The following AGO2 variants were observed in gnomAD, a reference collection of about 807,000 sequenced individuals.
The protein encoded by AGO2 is protein argonaute-2.
Under a neutral mutation model 102.3 loss-of-function variants are expected in AGO2, and 5 were observed. The ratio of observed to expected loss-of-function variants is 0.05; its 90% CI spans 0.03 to 0.10. AGO2 has a LOEUF of 0.10. Ranked by LOEUF, AGO2 falls within the 10% of genes least tolerant of loss-of-function variation. The pLI is 1.00. For missense variants in AGO2, 541 were observed against 1,183.7 expected (o/e 0.46, Z 7.97); for synonymous variants, 449 against 473.1 (o/e 0.95, Z 0.66).
Position 140,520,765 on chromosome 8 carries a change from G to A in AGO2, c.*11279C>T, listed in dbSNP as rs2072404626. The A allele has an allele frequency of 2.0e-5, 3 of 151,600 alleles. No homozygotes were observed. Among genetic ancestry groups the A allele is most frequent in the South Asian group, 4.2e-4 (2 of 4,806 alleles). 9.4% of individuals were successfully genotyped at this position (151,600 alleles called of 1,614,324 possible). ...GAAATAAGTTATCCAACCTCTTGAT[G>A]ACATGGAGAAATGAATTAAGAAAGC... On this transcript the variant is annotated 3_prime_UTR_variant, in exon 19 of 19. Coordinates refer to ENST00000220592, the MANE Select transcript of AGO2 (RefSeq NM_012154.5).
In AGO2 at chr8:140,540,424, C is replaced by T. The variant is rs2072776441; in HGVS notation, c.2034+740G>A. 6.6e-6 allele frequency among the ~76,000 whole-genome samples: 1 copy of T among 152,196 alleles called. No homozygotes were observed. The highest frequency in any genetic ancestry group is 1.5e-5 in the Non-Finnish European group (1 of 68,026). The stretch of plus-strand genomic sequence containing the variant: ...TTCTTGCTAACACCTCCCAAGGAAG[C>T]GACCGTGTGGCATGGCGAGGGGTGG... On this transcript the variant is annotated intron_variant, in intron 15 of 18. Coordinates refer to ENST00000220592, the MANE Select transcript of AGO2 (RefSeq NM_012154.5). This position sits in a 1 kb window ranked among gnomAD's most constrained non-coding sequence, Gnocchi z 5.0.
At chr8:140,627,729 T>C (rs1051677068) in intron 1 of AGO2, among the ~76,000 whole-genome samples, 1 of 152,108 alleles carries the variant, frequency 6.6e-6, no homozygotes, top group Non-Finnish European at 1.5e-5. Flanking sequence ...CCTTCAGAAG[T>C]CCCCTTCCGT....
chr8:140,597,480 C>CCCCCCCCCCCCCA (rs2073864620), intron 1 of AGO2, among the ~76,000 whole-genome samples: 5 of 132,122 alleles, frequency 3.8e-5, no homozygotes, highest in Admixed American at 7.9e-5. Context: ...CCCCACCCCC[C>CCCCCCCCCCCCCA]CCCCCCCGCC....
In AGO2 at chr8:140,531,835, T is replaced by C. The variant is rs2072600590; in HGVS notation, c.*209A>G. On this transcript the variant is annotated 3_prime_UTR_variant, in exon 19 of 19. Coordinates refer to ENST00000220592, the MANE Select transcript of AGO2 (RefSeq NM_012154.5). Reference sequence around the variant, plus strand: ...AGATTTTAGCAAACCATATTTCCTATGACATTGGGTTCTCATACAGGTCTG... The same window carrying C: ...AGATTTTAGCAAACCATATTTCCTACGACATTGGGTTCTCATACAGGTCTG... 1 of 512,678 alleles carries C rather than the reference T, an allele frequency of 2.0e-6. No individual in the cohort carries two copies. The highest frequency in any genetic ancestry group is 2.6e-5 in the South Asian group (1 of 39,056). 31.8% of individuals were successfully genotyped at this position (512,678 alleles called of 1,614,324 possible).
At chr8:140,624,041 G>T (rs576608411) in intron 1 of AGO2, among the ~76,000 whole-genome samples, 1 of 152,114 alleles carries the variant, frequency 6.6e-6, no homozygotes, top group African/African-American at 2.4e-5. Flanking sequence ...CGAGATGCAC[G>T]GGGAGCCAGG....
rs544013381 is a variant in AGO2, at chr8:140,535,601, G to C, written c.2170-32C>G. ...CAACACAGGCATCTCGTTAGACACG[G>C]CCAGGGACCGGCAGAGCCAAGCAGG... is the stretch of plus-strand genomic sequence containing the variant. On this transcript the variant is annotated intron_variant, in intron 16 of 18. Coordinates refer to ENST00000220592, the MANE Select transcript of AGO2 (RefSeq NM_012154.5). The C allele has an allele frequency of 1.9e-6, 3 of 1,608,238 alleles. No homozygotes were observed. In the African/African-American group the frequency reaches 4.0e-5, roughly 21 times the overall value.
At chr8:140,584,552 T>C (rs2073618694) in intron 2 of AGO2, among the ~76,000 whole-genome samples, 1 of 152,224 alleles carries the variant, frequency 6.6e-6, no homozygotes, top group Admixed American at 6.5e-5. Flanking sequence ...CACAGCAGTC[T>C]TATTCATAAT....
intron 1 of AGO2, among the ~76,000 whole-genome samples, chr8:140,594,757 C>T (rs1352598372): frequency 2.0e-5 from 3 of 151,640 alleles, no homozygotes; most frequent in Admixed American, 6.6e-5. Context: ...TGCAGTGATC[C>T]GAGATCACAC....
intron 2 of AGO2, among the ~76,000 whole-genome samples, chr8:140,581,542 T>C (rs1208101178): frequency 6.6e-6 from 1 of 151,968 alleles, no homozygotes; most frequent in East Asian, 1.9e-4. Flanking sequence ...GAAATGTGTA[T>C]ACTGCTTTAT....
At chr8:140,554,935 C>T (rs538032513) in intron 10 of AGO2, among the ~76,000 whole-genome samples, 4 of 152,246 alleles carry the variant, frequency 2.6e-5, no homozygotes, top group Admixed American at 6.5e-5. Flanking sequence ...CTCAGCCTCC[C>T]GAAGTGCTGG....
At chr8:140,537,683 G>A (rs1005593943) in intron 16 of AGO2, among the ~76,000 whole-genome samples, 20 of 151,850 alleles carry the variant, frequency 1.3e-4, no homozygotes, top group African/African-American at 4.1e-4. Flanking sequence ...CTTTGATGGC[G>A]TGTTCATCAA....
chr8:140,578,359 G>A (rs938722819), intron 2 of AGO2, among the ~76,000 whole-genome samples: 1 of 152,210 alleles, frequency 6.6e-6, no homozygotes, highest in Non-Finnish European at 1.5e-5. Flanking sequence ...CATTGAGTGT[G>A]TCCATGCTGT....
intron 1 of AGO2, among the ~76,000 whole-genome samples, chr8:140,608,761 T>C (rs867833374): frequency 6.6e-6 from 1 of 152,182 alleles, no homozygotes. Context: ...ACGAAAGCAG[T>C]GAGGGGTGTC....
chr8:140,541,327 C>T lies in AGO2; in HGVS notation c.1871G>A (p.Arg624His), dbSNP rs2072793860. 1.2e-6 allele frequency: 2 copies of T among 1,611,022 alleles called. No individual in the cohort carries two copies. Among genetic ancestry groups the T allele is most frequent in the Non-Finnish European group, 1.7e-6 (2 of 1,179,186 alleles). ...CTGCACGCGCACGGTGGCGCAGTAGCGATTGGGGTGGGCGTCCATGCTGCC... is the reference window on the plus strand; with the variant it reads ...CTGCACGCGCACGGTGGCGCAGTAGTGATTGGGGTGGGCGTCCATGCTGCC... ...VVGSMDAHPN[R>H]YCATVRVQQH... Residue 624 changes from arginine (R) to histidine (H), a missense_variant, in exon 15 of 19, where the codon CGC becomes CAC. Transcript: ENST00000220592.
chr8:140,607,443 C>T (rs1207791257), intron 1 of AGO2, among the ~76,000 whole-genome samples: 2 of 138,038 alleles, frequency 1.4e-5, no homozygotes, highest in African/African-American at 2.7e-5. Context: ...CTCACCCCCA[C>T]CTCTTAAAGA....
At chr8:140,581,453 A>T (rs1227255603) in intron 2 of AGO2, among the ~76,000 whole-genome samples, 1 of 152,158 alleles carries the variant, frequency 6.6e-6, no homozygotes, top group Non-Finnish European at 1.5e-5. Context: ...CAGGAGGTGA[A>T]GGTTGCAGTG....
intron 14 of AGO2, among the ~76,000 whole-genome samples, chr8:140,542,798 TCGGTGA>T (rs2072824388): frequency 1.3e-5 from 2 of 152,168 alleles, no homozygotes; most frequent in African/African-American, 4.8e-5. Context: ...CAGCTGTGGC[TCGGTGA>T]CAGCCATGCG....
intron 3 of AGO2, chr8:140,572,029 G>C (rs1202472557): frequency 6.6e-6 from 1 of 152,160 alleles, no homozygotes; most frequent in Non-Finnish European, 1.5e-5. Flanking sequence ...ACCGCGCCCG[G>C]CCTGTAAAGA....
intron 3 of AGO2, among the ~76,000 whole-genome samples, chr8:140,569,728 G>C (rs983731508): frequency 1.3e-5 from 2 of 152,242 alleles, no homozygotes; most frequent in Admixed American, 6.5e-5. Context: ...AGTTCTGGGA[G>C]GTGAAGGAGT....
Sources: gnomAD v4.1 joint callset for allele counts (sites outside exome capture counted in the v4.1 genomes callset) on GRCh38, gnomAD v4.1.1 for gene constraint, Gnocchi (gnomAD v3.1) non-coding constraint, MANE v1.5 for transcripts, NCBI Gene and HGNC (gene_info 2026-07-23, HGNC 2026-07-21) for gene names.